Variants in PPP6C observed in about 807,000 individuals in gnomAD.
PPP6C encodes serine/threonine-protein phosphatase 6 catalytic subunit.
A neutral mutation model predicts 39.8 loss-of-function variants in PPP6C; 11 were observed. That is an observed-to-expected ratio of 0.28 (90% CI 0.17 to 0.46). The LOEUF is 0.46. PPP6C is among the 20% of genes least tolerant of loss of function. The pLI is 1.00. For synonymous variants in PPP6C, 129 were observed against 130.3 expected (o/e 0.99, Z 0.07); for missense variants, 211 against 373.9 (o/e 0.56, Z 3.59).
chr9:125,151,300 G>A, intron 6 of PPP6C: 1 of 1,484,668 alleles, frequency 6.7e-7, no homozygotes, highest in African/African-American at 1.4e-5. Flanking sequence ...CGGATGACAT[G>A]GTTGACACTT....
Position 125,153,542 on chromosome 9 carries a change from G to A in PPP6C, c.660C>T (p.Val220=). ...RGAGWLFGAK[V]TNEFVHINNL... The stretch of plus-strand genomic sequence containing the variant: ...AAAATGTTGGCTTTACCTCATTTGT[G>A]ACCTTTGCTCCAAAAAGCCAACCTG... Residue 220 remains valine, a synonymous_variant, in exon 6 of 7, where the codon GTC becomes GTT. Coordinates refer to ENST00000373547, the MANE Select transcript of PPP6C (RefSeq NM_002721.5). 1 of 1,613,948 alleles carries A rather than the reference G, an allele frequency of 6.2e-7. No individual in the cohort carries two copies. The highest frequency in any genetic ancestry group is 8.5e-7 in the Non-Finnish European group (1 of 1,179,976).
chr9:125,171,392 G>T (rs1829144299), intron 1 of PPP6C, among the ~76,000 whole-genome samples: 1 of 146,244 alleles, frequency 6.8e-6, no homozygotes, highest in Admixed American at 7.0e-5. Context: ...AGACACTAAG[G>T]TTCTAGGAGA....
At chr9:125,160,715 TAC>T in intron 3 of PPP6C, 124 bp downstream of exon 3, 1 of 630,026 alleles carries the variant, frequency 1.6e-6, no homozygotes, top group East Asian at 3.3e-5. Context: ...AACGGACTAA[TAC>T]ACATCTTTTA....
intron 1 of PPP6C, among the ~76,000 whole-genome samples, chr9:125,176,246 C>T (rs1829295137): frequency 6.6e-6 from 1 of 152,180 alleles, no homozygotes; most frequent in South Asian, 2.1e-4. Flanking sequence ...GAGAGCATCA[C>T]AGAATTATTT....
At chr9:125,163,336 C>T (rs1005969447) in intron 2 of PPP6C, among the ~76,000 whole-genome samples, 2 of 152,082 alleles carry the variant, frequency 1.3e-5, no homozygotes, top group Non-Finnish European at 2.9e-5. Flanking sequence ...AGGAAGTGAA[C>T]ATTAAAAAGT....
chr9:125,185,284 G>C (rs1829502309), intron 1 of PPP6C, among the ~76,000 whole-genome samples: 1 of 145,000 alleles, frequency 6.9e-6, no homozygotes, highest in Non-Finnish European at 1.5e-5. Flanking sequence ...TCGCTCTGTT[G>C]GCCAGGCTGG....
At chr9:125,173,182 G>T (rs1326382686) in intron 1 of PPP6C, among the ~76,000 whole-genome samples, 1 of 152,040 alleles carries the variant, frequency 6.6e-6, no homozygotes, top group Admixed American at 6.6e-5. Context: ...GGAGGCTGAG[G>T]TGGGTGGATC....
intron 1 of PPP6C, among the ~76,000 whole-genome samples, chr9:125,182,020 T>C (rs1484262747): frequency 6.6e-6 from 1 of 152,264 alleles, no homozygotes; most frequent in African/African-American, 2.4e-5. Flanking sequence ...TGGTATCTCA[T>C]TGCGGTTTTG....
At chr9:125,182,459 T>C (rs928949139) in intron 1 of PPP6C, among the ~76,000 whole-genome samples, 10 of 152,044 alleles carry the variant, frequency 6.6e-5, no homozygotes, top group East Asian at 3.9e-4. Context: ...TTGGGCAACA[T>C]AGCAAAACCT....
intron 1 of PPP6C, among the ~76,000 whole-genome samples, chr9:125,188,628 AT>A (rs1016251273): frequency 6.6e-6 from 1 of 151,806 alleles, no homozygotes; most frequent in African/African-American, 2.4e-5. Flanking sequence ...TCTACTAAAA[AT>A]ACAAAACAGC....
chr9:125,157,423 G>C (rs1295590326), intron 4 of PPP6C, among the ~76,000 whole-genome samples: 1 of 152,092 alleles, frequency 6.6e-6, no homozygotes, highest in Non-Finnish European at 1.5e-5. Context: ...AGGAAAAACT[G>C]ATACATCAAT....
At chr9:125,188,769 G>A in intron 1 of PPP6C, 1 of 226,304 alleles carries the variant, frequency 4.4e-6, no homozygotes, top group Non-Finnish European at 8.0e-6. Flanking sequence ...GGGTGACAGA[G>A]TGAGACTCTA....
Position 125,150,913 on chromosome 9 carries a change from T to C in PPP6C, c.670-992A>G, listed in dbSNP as rs535009672. 36 of 954,846 alleles carry C rather than the reference T, an allele frequency of 3.8e-5. No homozygotes were observed. The African/African-American group carries it at 5.1e-4, about 14-fold the overall frequency. 59.1% of individuals were successfully genotyped at this position (954,846 alleles called of 1,614,324 possible). A position where few individuals can be genotyped will look rare whatever the true frequency, so the allele number is the denominator to read the frequency against. ...TCAGCGAGCCAGCTTACTGCAGTCA[T>C]CCCATGCTTCCCTTATGCCCAGCAG... is the stretch of plus-strand genomic sequence containing the variant. On this transcript the variant is annotated intron_variant, in intron 6 of 6. Coordinates refer to ENST00000373547, the MANE Select transcript of PPP6C (RefSeq NM_002721.5).
chr9:125,154,044 A>G, intron 4 of PPP6C, 59 bp from the exon 5 acceptor site: 2 of 1,268,094 alleles, frequency 1.6e-6, no homozygotes, highest in Non-Finnish European at 2.3e-6. Flanking sequence ...TAAACAATAT[A>G]TCCAATACTA....
rs561921672 is a variant in PPP6C, at chr9:125,155,062, C to T, written c.380-1077G>A. The stretch of plus-strand genomic sequence containing the variant: ...AGCTGGAACTACAGGCAAGTGCCAC[C>T]ACACCTGGCTAATTTTATTTCTGGT... On this transcript the variant is annotated intron_variant, in intron 4 of 6. Transcript: ENST00000373547. Among the ~76,000 whole-genome samples, 14 of 152,256 alleles carry T rather than the reference C, an allele frequency of 9.2e-5. 1 individual carries two copies. The South Asian group carries it at 2.9e-3, about 32-fold the overall frequency.
intron 1 of PPP6C, among the ~76,000 whole-genome samples, chr9:125,173,906 G>A (rs1484254514): frequency 2.0e-5 from 3 of 151,942 alleles, no homozygotes; most frequent in Admixed American, 6.6e-5. Context: ...GTGAGCCACC[G>A]CACCCAGCCA....
In PPP6C at chr9:125,149,606, A is replaced by AG; in HGVS notation, c.*66dup. Reference sequence around the variant, plus strand: ...GTGCTCAATAAAAAGTATATTGTAGAGGGTAATACAAGAAAATTGGGGTAA... The same window carrying AG: ...GTGCTCAATAAAAAGTATATTGTAGAGGGGTAATACAAGAAAATTGGGGTAA... On this transcript the variant is annotated 3_prime_UTR_variant, in exon 7 of 7. Transcript: ENST00000373547. The AG allele has an allele frequency of 3.3e-6, 5 of 1,529,218 alleles. No homozygotes were observed. Among genetic ancestry groups the AG allele is most frequent in the Non-Finnish European group, 3.6e-6 (4 of 1,124,634 alleles). 94.7% of individuals were successfully genotyped at this position (1,529,218 alleles called of 1,614,324 possible).
At chr9:125,153,879 C>A in intron 5 of PPP6C, 27 bp downstream of exon 5, 1 of 1,567,664 alleles carries the variant, frequency 6.4e-7, no homozygotes, top group Non-Finnish European at 8.8e-7. Context: ...CAGGAACGTA[C>A]ATGAGACTTT....
chr9:125,159,358 A>G (rs1254640462), intron 3 of PPP6C, among the ~76,000 whole-genome samples: 1 of 150,510 alleles, frequency 6.6e-6, no homozygotes, highest in Non-Finnish European at 1.5e-5. Flanking sequence ...CAAGTAATTT[A>G]ATTTTTAAAA....
Sources: allele counts gnomAD v4.1 joint callset (sites outside exome capture counted in the v4.1 genomes callset), GRCh38; gene constraint gnomAD v4.1.1; transcripts MANE v1.5; gene names NCBI Gene and HGNC (gene_info 2026-07-23, HGNC 2026-07-21).